The following SMURF1 variants were observed in gnomAD, a reference collection of about 807,000 sequenced individuals.
The protein encoded by SMURF1 is E3 ubiquitin-protein ligase SMURF1.
A neutral mutation model predicts 98.0 loss-of-function variants in SMURF1; 44 were observed. The observed-to-expected ratio is 0.45, with a 90% CI of 0.35 to 0.58. The LOEUF (loss-of-function observed/expected upper bound fraction) is 0.58. Among genes scored for constraint, SMURF1 ranks in the 20% least tolerant of loss-of-function variants. The pLI is 0.00. For synonymous variants in SMURF1, 396 were observed against 374.9 expected (o/e 1.06, Z -0.65); for missense variants, 687 against 938.4 (o/e 0.73, Z 3.50).
In SMURF1 at chr7:99,033,098, G is replaced by A. The variant is rs769461948; in HGVS notation, c.2035C>T (p.Arg679Trp). The change falls in exon 17 of 18, where the codon CGG becomes TGG. Residue 679 changes from arginine (R) to tryptophan (W), a missense_variant. Around this residue, in one of 2 missense-constraint regions of SMURF1, gnomAD observed 272 missense variants for 430.0 expected, o/e 0.63. Coordinates refer to ENST00000361368, the MANE Select transcript of SMURF1 (RefSeq NM_181349.3). ...TCTATCAGGTGGATGGTGAACAGCCGGGGCCCTGCCGCGCCTGTAGAACCT... is the reference window on the plus strand; with the variant it reads ...TCTATCAGGTGGATGGTGAACAGCCAGGGCCCTGCCGCGCCTGTAGAACCT... ...LQGSTGAAGP[R>W]LFTIHLIDAN... 6.9e-6 allele frequency: 11 copies of A among 1,587,332 alleles called. No homozygotes were observed. The highest frequency in any genetic ancestry group is 8.6e-6 in the Non-Finnish European group (10 of 1,166,110).
At position 99,030,682 on chromosome 7, in the gene SMURF1, A is replaced by T. The variant is rs975390528; in HGVS notation, c.2098T>A (p.Phe700Ile). The T allele has an allele frequency of 6.2e-7, 1 of 1,613,760 alleles. No individual in the cohort carries two copies. The highest frequency in any genetic ancestry group is 1.3e-5 in the African/African-American group (1 of 74,876). The change falls in exon 18 of 18, where the codon TTT becomes ATT. Residue 700 changes from phenylalanine (F) to isoleucine (I), a missense_variant and splice_region_variant. Phe to Ile is a conservative substitution (Grantham distance 21). Transcript: ENST00000361368. Reference protein sequence around the residue: ...TDNLPKAHTCFNRIDIPPYES... With the variant: ...TDNLPKAHTCINRIDIPPYES... Reference sequence around the variant, plus strand: ...TATGGTGGAATGTCGATCCGGTTAAAGCTGAAAAAGGACAAAAGAGAGTCA... The same window carrying T: ...TATGGTGGAATGTCGATCCGGTTAATGCTGAAAAAGGACAAAAGAGAGTCA...
chr7:99,141,685 C>T (rs935332261), intron 1 of SMURF1, among the ~76,000 whole-genome samples: 1 of 152,172 alleles, frequency 6.6e-6, no homozygotes, highest in Non-Finnish European at 1.5e-5. Flanking sequence ...AAAACCTTCT[C>T]TTAAGACAAA....
At chr7:99,127,220 A>T (rs978189042) in intron 1 of SMURF1, among the ~76,000 whole-genome samples, 31 of 152,360 alleles carry the variant, frequency 2.0e-4, no homozygotes, top group African/African-American at 7.5e-4. Context: ...TGTTCCTGCC[A>T]CGCAGGCAGA....
chr7:99,056,672 T>C (rs1795882990), intron 5 of SMURF1, among the ~76,000 whole-genome samples: 2 of 152,164 alleles, frequency 1.3e-5, no homozygotes, highest in South Asian at 4.1e-4. Flanking sequence ...ACCCTAAATC[T>C]TTCTGTACCC....
At chr7:99,052,011 G>C (rs528229632) in intron 7 of SMURF1, among the ~76,000 whole-genome samples, 194 bp downstream of exon 7, 1 of 152,254 alleles carries the variant, frequency 6.6e-6, no homozygotes, top group South Asian at 2.1e-4. Flanking sequence ...AGCCAGGCAT[G>C]ATGGTGTATG....
intron 1 of SMURF1, among the ~76,000 whole-genome samples, chr7:99,130,137 G>C (rs1214442050): frequency 6.6e-5 from 10 of 152,074 alleles, no homozygotes; most frequent in Non-Finnish European, 1.5e-4. Flanking sequence ...CCTATAATCT[G>C]TACCTGAATT....
In SMURF1 at chr7:99,120,937, T is replaced by C. The variant is rs191320693; in HGVS notation, c.55+22789A>G. On this transcript the variant is annotated intron_variant, in intron 1 of 17. Transcript: ENST00000361368. The stretch of plus-strand genomic sequence containing the variant: ...AACATCTTAATTCTTGATAAAGGGG[T>C]GGTATACAAAAACTTTTAGGGAAAG... 8.0e-5 allele frequency among the ~76,000 whole-genome samples: 12 copies of C among 150,262 alleles called. 1 individual carries two copies. In the East Asian group the frequency reaches 1.6e-3, roughly 19 times the overall value.
Position 99,057,179 on chromosome 7 carries a change from CTT to C in SMURF1, c.403+24_403+25del. ...GAATGTAAGTTCTGGAAAAGCATCTCTTTACACAGACAAGAAAGTTCTTACCC... is the reference window on the plus strand; with the variant it reads ...GAATGTAAGTTCTGGAAAAGCATCTCTACACAGACAAGAAAGTTCTTACCC... On this transcript the variant is annotated intron_variant, in intron 5 of 17. Coordinates refer to ENST00000361368, the MANE Select transcript of SMURF1 (RefSeq NM_181349.3). The C allele has an allele frequency of 3.7e-6, 6 of 1,612,836 alleles. No individual in the cohort carries two copies. In the Middle Eastern group the frequency reaches 5.0e-4, roughly 133 times the overall value.
chr7:99,082,911 T>C (rs1796600918), intron 1 of SMURF1, among the ~76,000 whole-genome samples: 1 of 152,238 alleles, frequency 6.6e-6, no homozygotes, highest in Admixed American at 6.5e-5. Flanking sequence ...CTTTCCACGA[T>C]ATTTTAGAGT....
chr7:99,060,521 C>A, intron 3 of SMURF1, 78 bp downstream of exon 3: 166 of 603,028 alleles, frequency 2.8e-4, no homozygotes, highest in Middle Eastern at 3.5e-4. Context: ...TTTTTTTTTT[C>A]TCTTGGATGT....
At position 99,027,810 on chromosome 7, in the gene SMURF1, G is replaced by C. The variant is rs565927681; in HGVS notation, c.*2774C>G. On this transcript the variant is annotated 3_prime_UTR_variant, in exon 18 of 18. Transcript: ENST00000361368. ...ACACACCTGGCTGCAGATGGCGGGT[G>C]GGGGGACATTTTCTCTGCAGAAGGC... 7.9e-5 allele frequency: 12 copies of C among 152,584 alleles called. No homozygotes were observed. The South Asian group carries it at 2.1e-3, about 26-fold the overall frequency. 9.5% of individuals were successfully genotyped at this position (152,584 alleles called of 1,614,324 possible). A position where few individuals can be genotyped will look rare whatever the true frequency, so the allele number is the denominator to read the frequency against.
At chr7:99,123,388 C>T (rs917062811) in intron 1 of SMURF1, among the ~76,000 whole-genome samples, 7 of 151,968 alleles carry the variant, frequency 4.6e-5, no homozygotes, top group Non-Finnish European at 5.9e-5. Flanking sequence ...AAACAATTAG[C>T]CGGGCATGGT....
intron 1 of SMURF1, among the ~76,000 whole-genome samples, chr7:99,089,680 C>T (rs970229850): frequency 1.3e-5 from 2 of 151,568 alleles, no homozygotes; most frequent in South Asian, 2.1e-4. Flanking sequence ...AACAATACAA[C>T]GGGTTAGTGG....
intron 1 of SMURF1, among the ~76,000 whole-genome samples, chr7:99,106,573 G>C (rs1231932907): frequency 6.6e-6 from 1 of 152,128 alleles, no homozygotes; most frequent in African/African-American, 2.4e-5. Context: ...AAGCAGTGTG[G>C]GTGCTAACTG....
rs937798636 is a variant in SMURF1, at chr7:99,144,031, GCCGCCGCCT to G, written c.-260_-252del. On this transcript the variant is annotated 5_prime_UTR_variant, in exon 1 of 18. Coordinates refer to ENST00000361368, the MANE Select transcript of SMURF1 (RefSeq NM_181349.3). ...CCAGTCCCGAGCCGCCGCCGCCTCC[GCCGCCGCCT>G]CCGCCGCCTCCACCACCTCAGAGCC... 60 of 262,918 alleles carry G rather than the reference GCCGCCGCCT, an allele frequency of 2.3e-4. No individual in the cohort carries two copies. The highest frequency in any genetic ancestry group is 7.3e-4 in the South Asian group (6 of 8,182). 16.3% of individuals were successfully genotyped at this position (262,918 alleles called of 1,614,324 possible).
At chr7:99,066,870 G>A (rs1407151986) in intron 1 of SMURF1, among the ~76,000 whole-genome samples, 1 of 151,742 alleles carries the variant, frequency 6.6e-6, no homozygotes, top group East Asian at 1.9e-4. Context: ...TTAAGTTAAT[G>A]GTATATGATT....
At chr7:99,052,572 G>C (rs1584461992) in intron 6 of SMURF1, 126 bp from the exon 7 acceptor site, 1 of 1,039,558 alleles carries the variant, frequency 9.6e-7, no homozygotes, top group Admixed American at 4.0e-5. Flanking sequence ...ACAACGTCCA[G>C]TGTTCCAAGG....
intron 1 of SMURF1, among the ~76,000 whole-genome samples, chr7:99,063,244 TATATATATATATATATATATATA>T (rs1796086995): frequency 0.024 from 341 of 14,492 alleles, 30 homozygotes; most frequent in African/African-American, 0.058. Context: ...GATTTATTTA[TATATATATATATATATATATATA>T]TATATATATA....
Position 99,101,139 on chromosome 7 carries a change from G to A in SMURF1, c.56-39302C>T, listed in dbSNP as rs192463535. On this transcript the variant is annotated intron_variant, in intron 1 of 17. Transcript: ENST00000361368. The stretch of plus-strand genomic sequence containing the variant: ...ATTATTAAGTTCTGAAGAAATATGG[G>A]GGGGTAGGGAATAGTGAAAGGAATG... 7.9e-5 allele frequency among the ~76,000 whole-genome samples: 12 copies of A among 152,244 alleles called. No individual in the cohort carries two copies. In the East Asian group the frequency reaches 2.1e-3, roughly 27 times the overall value.
Sources: allele counts gnomAD v4.1 joint callset (sites outside exome capture counted in the v4.1 genomes callset), GRCh38; gene constraint gnomAD v4.1.1; regional missense constraint gnomAD v4.1.1; transcripts MANE v1.5; gene names NCBI Gene and HGNC (gene_info 2026-07-23, HGNC 2026-07-21).